Variants in SASH1 observed in about 807,000 individuals in gnomAD.
SASH1 encodes SAM and SH3 domain containing 1.
A neutral mutation model predicts 125.2 loss-of-function variants in SASH1; 44 were observed. That is an observed-to-expected ratio of 0.35 (90% confidence interval 0.28 to 0.45). The LOEUF (loss-of-function observed/expected upper bound fraction) is 0.45. Among genes scored for constraint, SASH1 ranks in the 20% least tolerant of loss-of-function variants. SASH1 has a pLI of 1.00. For missense variants in SASH1, 1,426 were observed against 1,614.5 expected, an observed-to-expected ratio of 0.88 and a Z score of 2.00; for synonymous variants, 639 against 649.1, an observed-to-expected ratio of 0.98 and a Z score of 0.24.
intron 15 of SASH1, 111 bp downstream of exon 15, chr6:148,534,091 C>T: frequency 2.5e-6 from 2 of 814,950 alleles, no homozygotes; most frequent in Non-Finnish European, 4.0e-6. Context: ...TCTGTGTGGT[C>T]CAATAAGGGC....
At chr6:148,331,258 G>A (rs1383241039) in intron 1 of SASH1, among the ~76,000 whole-genome samples, 1 of 152,158 alleles carries the variant, frequency 6.6e-6, no homozygotes, top group Non-Finnish European at 1.5e-5. Context: ...GTCTGAACCC[G>A]CTGTGTATAA....
At chr6:148,397,868 A>G (rs9322147) in intron 2 of SASH1, among the ~76,000 whole-genome samples, 18,740 of 152,250 alleles carry the variant, frequency 0.12, 1,343 homozygotes, top group Admixed American at 0.22. Flanking sequence ...CAGACAAAAT[A>G]TGTATTCCCT....
chr6:148,450,595 G>A lies in SASH1; in HGVS notation c.386+10188G>A, dbSNP rs372752546. On this transcript the variant is annotated intron_variant, in intron 4 of 19. Transcript: ENST00000367467. The stretch of plus-strand genomic sequence containing the variant: ...GATGTCTCTTAATGTACTTTAACAC[G>A]TATCATATCATCATTGTTGTTAACA... Among the ~76,000 whole-genome samples the A allele has an allele frequency of 8.6e-5, 13 of 151,544 alleles. No homozygotes were observed. The East Asian group carries it at 2.5e-3, about 29-fold the overall frequency.
intron 2 of SASH1, among the ~76,000 whole-genome samples, chr6:148,423,826 T>C (rs2473558): frequency 0.81 from 123,713 of 152,062 alleles, 50,948 homozygotes; most frequent in South Asian, 0.93. Flanking sequence ...TTGCCAACTT[T>C]GGAAGGTCGT....
intron 1 of SASH1, among the ~76,000 whole-genome samples, chr6:148,359,388 G>C (rs991184848): frequency 6.8e-6 from 1 of 147,786 alleles, no homozygotes; most frequent in Non-Finnish European, 1.5e-5. Context: ...AAGATTTTTG[G>C]TGCCATTTTT....
intron 7 of SASH1, chr6:148,479,942 A>C (rs1778539850): frequency 6.4e-6 from 1 of 155,438 alleles, no homozygotes; most frequent in Non-Finnish European, 1.4e-5. Flanking sequence ...TACATCCTCA[A>C]CTACTGGTGC....
chr6:148,527,313 C>T, intron 11 of SASH1, 140 bp from the exon 12 acceptor site: 3 of 664,582 alleles, frequency 4.5e-6, no homozygotes, highest in Non-Finnish European at 7.0e-6. Flanking sequence ...TAAATAATAG[C>T]ACTGAGTTAA....
At chr6:148,421,226 A>G (rs1031736870) in intron 2 of SASH1, among the ~76,000 whole-genome samples, 1 of 152,016 alleles carries the variant, frequency 6.6e-6, no homozygotes, top group Non-Finnish European at 1.5e-5. Flanking sequence ...AAAGAAAGAA[A>G]GAAGGAAGTG....
intron 1 of SASH1, among the ~76,000 whole-genome samples, chr6:148,304,750 A>T (rs1214199741): frequency 6.6e-6 from 1 of 152,092 alleles, no homozygotes; most frequent in Non-Finnish European, 1.5e-5. Context: ...CATTCTGGCC[A>T]GGTGCCATGG....
chr6:148,461,089 A>G (rs569143128), intron 4 of SASH1, among the ~76,000 whole-genome samples: 2 of 152,332 alleles, frequency 1.3e-5, no homozygotes, highest in African/African-American at 4.8e-5. Context: ...AAAGCTCTTA[A>G]CATTCACTGT....
At chr6:148,323,225 G>T (rs578139465) in intron 1 of SASH1, among the ~76,000 whole-genome samples, 2 of 152,160 alleles carry the variant, frequency 1.3e-5, no homozygotes, top group East Asian at 3.9e-4. Context: ...GGCCAGGCTG[G>T]TCTCGAACTC....
intron 19 of SASH1, 36 bp downstream of exon 19, chr6:148,546,182 C>T (rs1243646113): frequency 1.9e-6 from 3 of 1,606,666 alleles, no homozygotes; most frequent in East Asian, 2.2e-5. Context: ...TCCTGAGGCA[C>T]ATTTAGTGAT....
chr6:148,546,560 C>G (rs1782586098), intron 19 of SASH1, among the ~76,000 whole-genome samples: 1 of 152,102 alleles, frequency 6.6e-6, no homozygotes, highest in Non-Finnish European at 1.5e-5. Context: ...AGCATAACTT[C>G]CAAAGATCTA....
chr6:148,330,310 A>G (rs1780954923), intron 1 of SASH1, among the ~76,000 whole-genome samples: 1 of 152,226 alleles, frequency 6.6e-6, no homozygotes, highest in African/African-American at 2.4e-5. Flanking sequence ...CTTTTGTTCT[A>G]TGCACATAAC....
the SASH1 span, among the ~76,000 whole-genome samples, chr6:148,228,042 G>A: frequency 6.6e-6 from 1 of 152,274 alleles, no homozygotes; most frequent in Admixed American, 6.5e-5. Flanking sequence ...TACATTTCAA[G>A]CTAGTACAGA....
chr6:148,324,092 C>T (rs6918095), intron 1 of SASH1, among the ~76,000 whole-genome samples: 20,682 of 120,498 alleles, frequency 0.17, 1,696 homozygotes, highest in Middle Eastern at 0.27. Context: ...TGCACGCCAG[C>T]GTGGTGACAG....
chr6:148,370,006 A>C (rs12525743), intron 1 of SASH1, among the ~76,000 whole-genome samples: 4,273 of 146,884 alleles, frequency 0.029, 211 homozygotes, highest in East Asian at 0.18. Context: ...AACCCAACCC[A>C]AACCAGCAAA....
chr6:148,354,329 G>A (rs751770323), intron 1 of SASH1, among the ~76,000 whole-genome samples: 3 of 152,092 alleles, frequency 2.0e-5, no homozygotes, highest in Non-Finnish European at 4.4e-5. Flanking sequence ...ATGTGTCTAA[G>A]TGGCACAATA....
intron 1 of SASH1, among the ~76,000 whole-genome samples, chr6:148,351,573 A>G (rs893055481): frequency 5.3e-5 from 8 of 151,402 alleles, no homozygotes; most frequent in Non-Finnish European, 1.2e-4. Context: ...TAAGAATCAC[A>G]TGATTTTTAA....
Sources: allele counts gnomAD v4.1 joint callset (sites outside exome capture counted in the v4.1 genomes callset), GRCh38; gene constraint gnomAD v4.1.1; transcripts MANE v1.5; gene names NCBI Gene and HGNC (gene_info 2026-07-23, HGNC 2026-07-21).